The following DAW1 variants were observed in gnomAD, a reference collection of about 807,000 sequenced individuals.
DAW1 encodes the protein dynein assembly factor with WD repeats 1, also known as dynein assembly factor with WD repeat domains 1.
A neutral mutation model predicts 56.5 loss-of-function variants in DAW1; 47 were observed. The ratio of observed to expected loss-of-function variants is 0.83; its 90% CI spans 0.66 to 1.06. DAW1 has a LOEUF of 1.06. Ranked by LOEUF, DAW1 falls within the 50% of genes least tolerant of loss-of-function variation. The pLI, the probability that DAW1 is intolerant of heterozygous loss-of-function variation, is 0.00. For missense variants in DAW1, 505 were observed against 499.3 expected (o/e 1.01, Z -0.11); for synonymous variants, 190 against 179.0 (o/e 1.06, Z -0.49).
chr2:227,905,542 A>G (rs2106205619), intron 8 of DAW1, among the ~76,000 whole-genome samples: 1 of 152,308 alleles, frequency 6.6e-6, no homozygotes, highest in Middle Eastern at 3.4e-3. Context: ...GTGCCAACCA[A>G]GATGTATGCA....
chr2:227,904,435 C>T (rs1282896307), intron 7 of DAW1, among the ~76,000 whole-genome samples: 2 of 152,054 alleles, frequency 1.3e-5, no homozygotes, highest in Non-Finnish European at 2.9e-5. Flanking sequence ...AAAGTCAGGC[C>T]AAAGGCAGGA....
chr2:227,880,418 G>T (rs1690983615), intron 1 of DAW1, among the ~76,000 whole-genome samples: 1 of 149,120 alleles, frequency 6.7e-6, no homozygotes, highest in African/African-American at 2.5e-5. Context: ...AATAAGTACT[G>T]GTTGGCTCTC....
chr2:227,918,332 G>A (rs1373480563), intron 10 of DAW1, among the ~76,000 whole-genome samples: 1 of 152,174 alleles, frequency 6.6e-6, no homozygotes, highest in African/African-American at 2.4e-5. Context: ...GGTTTTTGAA[G>A]CCTGTTTTTT....
At chr2:227,905,128 T>C in intron 8 of DAW1, 93 bp downstream of exon 8, 1 of 943,070 alleles carries the variant, frequency 1.1e-6, no homozygotes, top group Non-Finnish European at 1.6e-6. Context: ...ATCTATTAAC[T>C]CTGCTTTGGA....
chr2:227,878,320 A>C (rs963748806), intron 1 of DAW1, among the ~76,000 whole-genome samples: 8 of 152,246 alleles, frequency 5.3e-5, no homozygotes, highest in African/African-American at 1.7e-4. Flanking sequence ...TCCCTTGATG[A>C]TAGTGACACC....
chr2:227,876,504 T>G (rs1690885841), intron 1 of DAW1: 1 of 1,302,168 alleles, frequency 7.7e-7, no homozygotes, highest in Non-Finnish European at 1.0e-6. Context: ...GGTGGGTGTT[T>G]CAATAATAGC....
At position 227,871,748 on chromosome 2, in the gene DAW1, C is replaced by T. The variant is rs371365206; in HGVS notation, c.40+19C>T. On this transcript the variant is annotated intron_variant, in intron 1 of 12. Coordinates refer to ENST00000309931, the MANE Select transcript of DAW1 (RefSeq NM_178821.3). ...CCGCCAGGTACGCACCAGCCCGGCC[C>T]CGTCATCCCCACGTGGGACCCTGGG... 4.5e-5 allele frequency: 72 copies of T among 1,613,648 alleles called. 1 individual carries two copies. In the Middle Eastern group the frequency reaches 5.0e-4, roughly 11 times the overall value.
intron 10 of DAW1, chr2:227,912,526 T>C: frequency 7.9e-7 from 1 of 1,269,242 alleles, no homozygotes; most frequent in Non-Finnish European, 1.0e-6. Flanking sequence ...TGCTGCACTG[T>C]CTAGTATGTC....
At chr2:227,891,374 C>T in intron 4 of DAW1, 61 bp downstream of exon 4, 1 of 1,410,256 alleles carries the variant, frequency 7.1e-7, no homozygotes, top group Non-Finnish European at 1.0e-6. Context: ...GTTTATTTAT[C>T]AAAGATTCCA....
At chr2:227,875,194 C>A (rs1443384752) in intron 1 of DAW1, among the ~76,000 whole-genome samples, 1 of 152,184 alleles carries the variant, frequency 6.6e-6, no homozygotes, top group African/African-American at 2.4e-5. Context: ...CATCCACTAA[C>A]AAATCCTGCT....
chr2:227,892,579 T>C (rs980716785), intron 4 of DAW1, among the ~76,000 whole-genome samples: 4 of 152,226 alleles, frequency 2.6e-5, no homozygotes, highest in African/African-American at 9.6e-5. Context: ...TATATGTGTA[T>C]AGTTGCAAAT....
intron 10 of DAW1, among the ~76,000 whole-genome samples, chr2:227,918,171 T>TCATCCATCCATC (rs60074089): frequency 0.013 from 1,638 of 124,176 alleles, 22 homozygotes; most frequent in Non-Finnish European, 0.018. Flanking sequence ...CATCCATCCA[T>TCATCCATCCATC]CATCCATCCA....
Position 227,893,898 on chromosome 2 carries a change from G to A in DAW1, c.421G>A (p.Ala141Thr), listed in dbSNP as rs771091348. The A allele has an allele frequency of 6.8e-6, 11 of 1,610,586 alleles. 1 individual carries two copies. The highest frequency in any genetic ancestry group is 4.4e-5 in the South Asian group (4 of 90,378). The part of the protein sequence containing the change: ...EGHRNVVYAI[A>T]FNNPYGDKIA... The stretch of plus-strand genomic sequence containing the variant: ...CCACAGGAATGTGGTTTATGCCATA[G>A]CATTCAACAATCCTTACGGGTGTGT... The change falls in exon 5 of 13, where the codon GCA becomes ACA. Residue 141 changes from alanine to threonine, a missense_variant. By Grantham distance (58) the Ala-to-Thr change is moderately conservative (BLOSUM62 0). Transcript: ENST00000309931.
intron 2 of DAW1, 166 bp from the exon 3 acceptor site, chr2:227,889,690 A>G (rs1691212023): frequency 4.1e-6 from 2 of 491,702 alleles, no homozygotes; most frequent in Non-Finnish European, 7.0e-6. Context: ...ACTGATTTGT[A>G]TGATCCTCCC....
rs1459823929 is a variant in DAW1, at chr2:227,921,475, C to A, written c.1127C>A (p.Thr376Asn). The change falls in exon 12 of 13, where the codon ACT becomes AAT. Residue 376 changes from threonine to asparagine, a missense_variant. Thr to Asn is a moderately conservative substitution (Grantham distance 65). Coordinates refer to ENST00000309931, the MANE Select transcript of DAW1 (RefSeq NM_178821.3). ...DKTARIWDAQTGQCLQVLEGH... is the reference protein window; with the variant it reads ...DKTARIWDAQNGQCLQVLEGH... ...ACGGCTAGAATCTGGGATGCTCAGA[C>A]TGGCCAGTGCCTCCAGGTTCTTGAG... The A allele has an allele frequency of 5.6e-6, 9 of 1,613,928 alleles. No homozygotes were observed. The highest frequency in any genetic ancestry group is 7.6e-6 in the Non-Finnish European group (9 of 1,180,018).
At chr2:227,903,856 C>A (rs974418218) in intron 7 of DAW1, among the ~76,000 whole-genome samples, 4 of 152,044 alleles carry the variant, frequency 2.6e-5, no homozygotes, top group African/African-American at 9.7e-5. Context: ...TTTTTCTAAG[C>A]AAGTTAAAAC....
At chr2:227,904,777 G>T in intron 7 of DAW1, 152 bp from the exon 8 acceptor site, 1 of 569,660 alleles carries the variant, frequency 1.8e-6, no homozygotes, top group Non-Finnish European at 3.0e-6. Context: ...GTGCCCACGT[G>T]CAGACACTCC....
intron 2 of DAW1, among the ~76,000 whole-genome samples, chr2:227,889,108 A>C (rs1691198756): frequency 6.6e-6 from 1 of 152,200 alleles, no homozygotes; most frequent in Admixed American, 6.5e-5. Flanking sequence ...TAAAGTGAAA[A>C]GTATGCTGCT....
chr2:227,892,589 T>C (rs1447462338), intron 4 of DAW1, among the ~76,000 whole-genome samples: 1 of 152,250 alleles, frequency 6.6e-6, no homozygotes, highest in Non-Finnish European at 1.5e-5. Context: ...TAGTTGCAAA[T>C]GCGAGTTTGC....
Sources: allele counts gnomAD v4.1 joint callset (sites outside exome capture counted in the v4.1 genomes callset), GRCh38; gene constraint gnomAD v4.1.1; transcripts MANE v1.5; gene names NCBI Gene and HGNC (gene_info 2026-07-23, HGNC 2026-07-21).